The following HIVEP3 variants were observed in gnomAD, a reference collection of about 807,000 sequenced individuals.
The protein encoded by HIVEP3 is transcription factor HIVEP3.
A neutral mutation model predicts 152.8 loss-of-function variants in HIVEP3; 49 were observed. The observed-to-expected ratio is 0.32, with a 90% CI of 0.26 to 0.41. The LOEUF is 0.41. Among genes scored for constraint, HIVEP3 ranks in the 10% least tolerant of loss-of-function variants. The pLI, the probability that HIVEP3 is intolerant of heterozygous loss-of-function variation, is 1.00. For synonymous variants in HIVEP3, 1,269 were observed against 1,289.0 expected (o/e 0.98, Z 0.33); for missense variants, 2,790 against 3,103.3 (o/e 0.90, Z 2.40).
At chr1:41,540,017 G>C (rs932153204) in intron 5 of HIVEP3, among the ~76,000 whole-genome samples, 2 of 152,180 alleles carry the variant, frequency 1.3e-5, no homozygotes, top group South Asian at 4.1e-4. Flanking sequence ...CTCAGTGCCC[G>C]GCTCTAAAAT....
chr1:41,529,056 C>T (rs1342713511), intron 5 of HIVEP3, among the ~76,000 whole-genome samples: 1 of 143,254 alleles, frequency 7.0e-6, no homozygotes, highest in Non-Finnish European at 1.5e-5. Flanking sequence ...CTCACACCCC[C>T]ACCCTCACCC....
intron 1 of HIVEP3, among the ~76,000 whole-genome samples, chr1:41,759,167 G>A (rs559976004): frequency 6.8e-5 from 10 of 148,020 alleles, no homozygotes; most frequent in East Asian, 4.4e-4. Flanking sequence ...AAGTAATTGC[G>A]GTTTTTGCCA....
At chr1:41,652,474 G>T (rs1316017137) in intron 2 of HIVEP3, among the ~76,000 whole-genome samples, 1 of 152,144 alleles carries the variant, frequency 6.6e-6, no homozygotes. Context: ...GCATGGGGCA[G>T]GATTTACACA....
At chr1:41,736,611 C>T (rs1036521856) in intron 1 of HIVEP3, among the ~76,000 whole-genome samples, 1 of 152,198 alleles carries the variant, frequency 6.6e-6, no homozygotes, top group African/African-American at 2.4e-5. Flanking sequence ...GCCCCAGATG[C>T]AGGATGAGCA....
At chr1:41,779,242 G>A (rs1194262674) in intron 1 of HIVEP3, among the ~76,000 whole-genome samples, 1 of 152,200 alleles carries the variant, frequency 6.6e-6, no homozygotes, top group Non-Finnish European at 1.5e-5. Context: ...GGTGTCTGCA[G>A]TGGAGTGGTT....
At position 41,675,085 on chromosome 1, in the gene HIVEP3, C is replaced by T. The variant is rs556963426; in HGVS notation, c.-721+25831G>A. The stretch of plus-strand genomic sequence containing the variant: ...GGTGTCCCTGTCCCCCCACAGGTAC[C>T]CCAAATGTCCTTGACTCCAGGCTTT... On this transcript the variant is annotated intron_variant, in intron 2 of 8. Coordinates refer to ENST00000372583, the MANE Select transcript of HIVEP3 (RefSeq NM_024503.5). Among the ~76,000 whole-genome samples, 29 of 152,238 alleles carry T rather than the reference C, an allele frequency of 1.9e-4. 1 individual carries two copies. Among genetic ancestry groups the T allele is most frequent in the African/African-American group, 6.5e-4 (27 of 41,520 alleles).
chr1:41,815,120 T>C (rs906244683), intron 1 of HIVEP3, among the ~76,000 whole-genome samples: 2 of 152,250 alleles, frequency 1.3e-5, no homozygotes, highest in Admixed American at 6.5e-5. Context: ...TCTGAACTGA[T>C]ACCTGTTACC....
At chr1:42,028,344 G>A (rs1181044005) in intron 1 of HIVEP3, among the ~76,000 whole-genome samples, 1 of 152,186 alleles carries the variant, frequency 6.6e-6, no homozygotes, top group Non-Finnish European at 1.5e-5. Context: ...AATGTGTGCT[G>A]TGGACACAGA....
At chr1:41,677,686 T>G (rs1369184888) in intron 2 of HIVEP3, among the ~76,000 whole-genome samples, 2 of 152,250 alleles carry the variant, frequency 1.3e-5, no homozygotes, top group Non-Finnish European at 2.9e-5. Flanking sequence ...AGCTCCCAGC[T>G]AAAGTCCAAT....
chr1:41,619,144 C>T (rs1010485406), intron 3 of HIVEP3, among the ~76,000 whole-genome samples: 1 of 152,172 alleles, frequency 6.6e-6, no homozygotes, highest in African/African-American at 2.4e-5. Flanking sequence ...TGCCCCCACC[C>T]CCACTCCTCC....
intron 1 of HIVEP3, chr1:41,865,574 T>G (rs192398918): frequency 6.6e-6 from 1 of 152,242 alleles, no homozygotes; most frequent in South Asian, 2.1e-4. Context: ...CTCTGAGTGC[T>G]GGGTCCTCCA....
At chr1:41,605,202 G>GAGGAAAGGA (rs1420979133) in intron 3 of HIVEP3, among the ~76,000 whole-genome samples, 1 of 148,500 alleles carries the variant, frequency 6.7e-6, no homozygotes, top group Non-Finnish European at 1.5e-5. Context: ...GAAGGGAAGG[G>GAGGAAAGGA]AGGAAAGGAA....
chr1:41,917,475 C>T (rs1239575534), intron 1 of HIVEP3, among the ~76,000 whole-genome samples: 1 of 152,176 alleles, frequency 6.6e-6, no homozygotes, highest in Non-Finnish European at 1.5e-5. Flanking sequence ...TGCAGACCCT[C>T]TTCCTGCAAC....
chr1:42,022,395 A>G (rs551459455), intron 1 of HIVEP3, among the ~76,000 whole-genome samples: 2 of 152,200 alleles, frequency 1.3e-5, no homozygotes, highest in African/African-American at 2.4e-5. Flanking sequence ...CCCTCCTTCA[A>G]TACATAGATC....
chr1:42,035,557 C>T (rs903418955), intron 1 of HIVEP3, among the ~76,000 whole-genome samples: 3 of 152,152 alleles, frequency 2.0e-5, no homozygotes, highest in Non-Finnish European at 4.4e-5. Flanking sequence ...GTTGTGTAAT[C>T]GGCCCGGGAA....
chr1:41,672,031 T>C (rs2124072218), intron 2 of HIVEP3, among the ~76,000 whole-genome samples: 1 of 152,122 alleles, frequency 6.6e-6, no homozygotes, highest in East Asian at 1.9e-4. Context: ...GCTAAGCAGT[T>C]GGGGTTGTAT....
At chr1:41,617,072 G>T (rs1437028198) in intron 3 of HIVEP3, among the ~76,000 whole-genome samples, 1 of 152,100 alleles carries the variant, frequency 6.6e-6, no homozygotes, top group Non-Finnish European at 1.5e-5. Context: ...CCACTCTACC[G>T]TACTGCCTTT....
intron 1 of HIVEP3, among the ~76,000 whole-genome samples, chr1:41,814,574 G>A (rs1651153718): frequency 6.6e-6 from 1 of 152,204 alleles, no homozygotes; most frequent in Admixed American, 6.5e-5. Context: ...TGCATAACCT[G>A]GGTGAAACGC....
chr1:41,943,980 A>G (rs1402467348), intron 1 of HIVEP3, among the ~76,000 whole-genome samples: 2 of 152,236 alleles, frequency 1.3e-5, no homozygotes, highest in Non-Finnish European at 2.9e-5. Context: ...ACACAGATGA[A>G]CCTTAAAGAC....
Sources: allele counts gnomAD v4.1 joint callset (sites outside exome capture counted in the v4.1 genomes callset), GRCh38; gene constraint gnomAD v4.1.1; transcripts MANE v1.5; gene names NCBI Gene and HGNC (gene_info 2026-07-23, HGNC 2026-07-21).